PCP4L1: variants seen among roughly 807,000 people sequenced by gnomAD.
The protein encoded by PCP4L1 is Purkinje cell protein 4-like protein 1.
In PCP4L1, 9 loss-of-function variants were observed where a neutral mutation model predicts 9.6. The ratio of observed to expected loss-of-function variants is 0.94; its 90% CI spans 0.57 to 1.64. PCP4L1 has a LOEUF of 1.64. PCP4L1 is among the 40% of genes most tolerant of loss of function. PCP4L1 has a pLI of 0.00. For missense variants in PCP4L1, 81 were observed against 80.8 expected, an observed-to-expected ratio of 1.00 and a Z score of -0.01; for synonymous variants, 31 against 28.2, an observed-to-expected ratio of 1.10 and a Z score of -0.31.
chr1:161,260,722 T>G (rs1194745418), intron 1 of PCP4L1, among the ~76,000 whole-genome samples: 2 of 152,174 alleles, frequency 1.3e-5, no homozygotes, highest in East Asian at 1.9e-4. Flanking sequence ...GTCCGCTCCC[T>G]CCTGACTCAG....
intron 1 of PCP4L1, among the ~76,000 whole-genome samples, chr1:161,269,544 A>G (rs1669587657): frequency 6.6e-6 from 1 of 152,188 alleles, no homozygotes; most frequent in African/African-American, 2.4e-5. Context: ...ATCATATGTA[A>G]AGGATCAAAA....
intron 1 of PCP4L1, among the ~76,000 whole-genome samples, chr1:161,271,269 A>G (rs1669621044): frequency 6.6e-6 from 1 of 152,086 alleles, no homozygotes; most frequent in African/African-American, 2.4e-5. Flanking sequence ...GTGATATCTC[A>G]TTGTGGTTTT....
chr1:161,263,845 A>G (rs188174288), intron 1 of PCP4L1, among the ~76,000 whole-genome samples: 26 of 150,252 alleles, frequency 1.7e-4, no homozygotes, highest in Admixed American at 1.3e-3. Flanking sequence ...CAGCCTCCCA[A>G]AGAGCTGGGA....
intron 1 of PCP4L1, among the ~76,000 whole-genome samples, chr1:161,278,487 A>G (rs760469177): frequency 5.0e-4 from 74 of 147,524 alleles, no homozygotes; most frequent in Non-Finnish European, 1.0e-3. Context: ...TGGGCTGGTC[A>G]TGAACTCCTG....
At chr1:161,260,282 C>T (rs1169980812) in intron 1 of PCP4L1, among the ~76,000 whole-genome samples, 1 of 152,184 alleles carries the variant, frequency 6.6e-6, no homozygotes, top group Admixed American at 6.5e-5. Flanking sequence ...TAATTTTATC[C>T]TGGAAAATTC....
At chr1:161,267,052 G>T (rs925625240) in intron 1 of PCP4L1, among the ~76,000 whole-genome samples, 8 of 152,136 alleles carry the variant, frequency 5.3e-5, no homozygotes, top group African/African-American at 1.9e-4. Context: ...TAACTCTCCT[G>T]TCCCCCTTCA....
chr1:161,275,794 CTT>C lies in PCP4L1; in HGVS notation c.10-7856_10-7855del, dbSNP rs1191740761. The stretch of plus-strand genomic sequence containing the variant: ...AACTGCATACTCCATCTAGGTCATA[CTT>C]TTTTTTTTTTTTTTTTTGAGACAGA... On this transcript the variant is annotated intron_variant, in intron 1 of 2. Coordinates refer to ENST00000504449, the MANE Select transcript of PCP4L1 (RefSeq NM_001102566.2). 2.6e-3 allele frequency among the ~76,000 whole-genome samples: 355 copies of C among 134,094 alleles called. 1 individual carries two copies. The highest frequency in any genetic ancestry group is 9.2e-3 in the African/African-American group (325 of 35,378). The allele number at this position is 134,094 out of a possible 152,430, so 88.0% of individuals were successfully genotyped here. A position where few individuals can be genotyped will look rare whatever the true frequency, so the allele number is the denominator to read the frequency against.
At chr1:161,260,444 C>T (rs1039315924) in intron 1 of PCP4L1, among the ~76,000 whole-genome samples, 3 of 152,172 alleles carry the variant, frequency 2.0e-5, no homozygotes, top group African/African-American at 7.2e-5. Context: ...TTCTTTGCCC[C>T]TTTTCACTGA....
In PCP4L1 at chr1:161,283,725, G is replaced by A; in HGVS notation, c.64+3G>A. ...GGCAGCTGGCCAAGAGGAAAAAGGT[G>A]AGTGGGGTTGGGCTAGGCAGTTTGT... On this transcript the variant is annotated splice_donor_region_variant and intron_variant, in intron 2 of 2. Coordinates refer to ENST00000504449, the MANE Select transcript of PCP4L1 (RefSeq NM_001102566.2). 5 of 1,604,898 alleles carry A rather than the reference G, an allele frequency of 3.1e-6. No homozygotes were observed. The highest frequency in any genetic ancestry group is 4.3e-6 in the Non-Finnish European group (5 of 1,175,354).
chr1:161,268,264 GA>G (rs144358911), intron 1 of PCP4L1, among the ~76,000 whole-genome samples: 12,242 of 150,282 alleles, frequency 0.081, 556 homozygotes, highest in African/African-American at 0.1. Flanking sequence ...TTTAGAAGGG[GA>G]AAAAAAAAAG....
intron 1 of PCP4L1, among the ~76,000 whole-genome samples, chr1:161,263,449 G>A (rs564926537): frequency 6.6e-6 from 1 of 152,240 alleles, no homozygotes; most frequent in Admixed American, 6.5e-5. Flanking sequence ...ATGTTGGCCA[G>A]ACTGGTCTCG....
chr1:161,269,688 G>A (rs931859525), intron 1 of PCP4L1, among the ~76,000 whole-genome samples: 1 of 152,104 alleles, frequency 6.6e-6, no homozygotes, highest in Non-Finnish European at 1.5e-5. Context: ...GAACAATGTA[G>A]AGCCTTTTAG....
chr1:161,262,454 AAAG>A (rs1400866114), intron 1 of PCP4L1, among the ~76,000 whole-genome samples: 97 of 139,820 alleles, frequency 6.9e-4, no homozygotes, highest in African/African-American at 3.0e-3. Flanking sequence ...AAAAAAAAAA[AAAG>A]AAATGCCTTC....
In PCP4L1 at chr1:161,258,794, G is replaced by T; in HGVS notation, c.-181G>T. ...CAGGGGGTCGCCTGGCCGGAGCTGG[G>T]CTCCGAGAATCCCGGGTGCCAGCAC... On this transcript the variant is annotated 5_prime_UTR_variant, in exon 1 of 3. Coordinates refer to ENST00000504449, the MANE Select transcript of PCP4L1 (RefSeq NM_001102566.2). 1 of 981,890 alleles carries T rather than the reference G, an allele frequency of 1.0e-6. No individual in the cohort carries two copies. Among genetic ancestry groups the T allele is most frequent in the Non-Finnish European group, 1.5e-6 (1 of 657,726 alleles). 60.8% of individuals were successfully genotyped at this position (981,890 alleles called of 1,614,324 possible). A position where few individuals can be genotyped will look rare whatever the true frequency, so the allele number is the denominator to read the frequency against.
intron 1 of PCP4L1, among the ~76,000 whole-genome samples, chr1:161,278,782 T>C (rs1250305659): frequency 6.6e-6 from 1 of 152,144 alleles, no homozygotes; most frequent in Non-Finnish European, 1.5e-5. Context: ...TGGTCTTTCT[T>C]TCTCTTTCCT....
Position 161,284,775 on chromosome 1 carries a change from C to T in PCP4L1, c.*294C>T, listed in dbSNP as rs758287740. On this transcript the variant is annotated 3_prime_UTR_variant, in exon 3 of 3. Transcript: ENST00000504449. Reference sequence around the variant, plus strand: ...CCCTGTAGGGCTAAACAAGAGGCTTCGAGGCTGAGAGATCTCCCCAAAGAA... The same window carrying T: ...CCCTGTAGGGCTAAACAAGAGGCTTTGAGGCTGAGAGATCTCCCCAAAGAA... The T allele has an allele frequency of 1.4e-5, 5 of 368,754 alleles. No homozygotes were observed. The highest frequency in any genetic ancestry group is 4.0e-5 in the African/African-American group (2 of 49,460). 22.8% of individuals were successfully genotyped at this position (368,754 alleles called of 1,614,324 possible).
At chr1:161,265,773 T>C (rs534293729) in intron 1 of PCP4L1, among the ~76,000 whole-genome samples, 15 of 146,312 alleles carry the variant, frequency 1.0e-4, no homozygotes, top group Non-Finnish European at 1.3e-4. Context: ...AGTTTCGCTC[T>C]TGTTGCCCAG....
intron 1 of PCP4L1, among the ~76,000 whole-genome samples, chr1:161,264,515 A>G (rs1333246311): frequency 3.3e-5 from 5 of 150,884 alleles, no homozygotes. Context: ...ACTCTGTCTA[A>G]GAAAAAAAAG....
chr1:161,266,727 A>G (rs1669537449), intron 1 of PCP4L1, among the ~76,000 whole-genome samples: 1 of 152,166 alleles, frequency 6.6e-6, no homozygotes, highest in East Asian at 1.9e-4. Flanking sequence ...GTGTGTATGT[A>G]GAACCTGCAG....
Sources: gnomAD v4.1 joint callset for allele counts (sites outside exome capture counted in the v4.1 genomes callset) on GRCh38, gnomAD v4.1.1 for gene constraint, MANE v1.5 for transcripts, NCBI Gene and HGNC (gene_info 2026-07-23, HGNC 2026-07-21) for gene names.